The following PSAP variants were observed in gnomAD, a reference collection of about 807,000 sequenced individuals.
PSAP encodes the protein precursor of saposins.
PSAP carries 25 observed loss-of-function variants against 66.0 expected under a neutral mutation model. The observed-to-expected ratio is 0.38, with a 90% CI of 0.28 to 0.53. The LOEUF (loss-of-function observed/expected upper bound fraction) is 0.53, where lower values mean the gene tolerates loss of function less well. PSAP is among the 20% of genes least tolerant of loss of function. The pLI is 0.83. For synonymous variants in PSAP, 273 were observed against 258.9 expected, an observed-to-expected ratio of 1.05 and a Z score of -0.52; for missense variants, 649 against 668.8, an observed-to-expected ratio of 0.97 and a Z score of 0.33.
chr10:71,827,410 A>AAG (rs1473591661), intron 6 of PSAP, among the ~76,000 whole-genome samples: 1 of 147,968 alleles, frequency 6.8e-6, no homozygotes, highest in African/African-American at 2.5e-5. Flanking sequence ...AAAAAGAAAA[A>AAG]AAAAAAAGAA....
intron 1 of PSAP, among the ~76,000 whole-genome samples, chr10:71,847,486 G>C (rs1198011396): frequency 6.6e-6 from 1 of 151,872 alleles, no homozygotes; most frequent in Non-Finnish European, 1.5e-5. Flanking sequence ...AGGCGGAAGT[G>C]GCAGTGAGCC....
intron 1 of PSAP, among the ~76,000 whole-genome samples, chr10:71,839,341 G>A (rs1031290323): frequency 1.1e-4 from 17 of 152,228 alleles, no homozygotes; most frequent in Middle Eastern, 3.4e-3. Flanking sequence ...CCGGGTTCAA[G>A]CGATTCTCCT....
rs181403807 is a variant in PSAP at position 71,845,447 on chromosome 10, G to A, written c.40+5735C>T. Among the ~76,000 whole-genome samples the A allele has an allele frequency of 1.4e-4, 22 of 152,232 alleles. No individual in the cohort carries two copies. The East Asian group carries it at 3.5e-3, about 24-fold the overall frequency. On this transcript the variant is annotated intron_variant, in intron 1 of 13. Coordinates refer to ENST00000394936, the MANE Select transcript of PSAP (RefSeq NM_002778.4). ...TGTTTCACAATTTAAGGAGCAACAA[G>A]CAAAACAGTCAGTAGAATATACTAC...
At position 71,851,213 on chromosome 10, in the gene PSAP, G is replaced by T; in HGVS notation, c.9C>A (p.Ala3=). 1 of 1,551,136 alleles carries T rather than the reference G, an allele frequency of 6.4e-7. No homozygotes were observed. The highest frequency in any genetic ancestry group is 8.7e-7 in the Non-Finnish European group (1 of 1,146,866). Residue 3 remains alanine (A), a synonymous_variant, in exon 1 of 14, where the codon GCC becomes GCA. Coordinates refer to ENST00000394936, the MANE Select transcript of PSAP (RefSeq NM_002778.4). MY[A]LFLLASLLGA... is the part of the protein sequence containing the mutation. ...CCAGGAGGCTGGCCAGGAGGAAGAG[G>T]GCGTACATAGCGCCGTCTGACTCCG...
At chr10:71,835,444 C>G (rs1468130818) in intron 1 of PSAP, among the ~76,000 whole-genome samples, 1 of 151,786 alleles carries the variant, frequency 6.6e-6, no homozygotes, top group Non-Finnish European at 1.5e-5. Flanking sequence ...TGGTAGCACG[C>G]ACCTGTGATC....
chr10:71,823,884 A>G (rs1167537365), intron 7 of PSAP: 2 of 1,298,688 alleles, frequency 1.5e-6, no homozygotes, highest in East Asian at 5.4e-5. Context: ...TCCCCGACAC[A>G]TACCTGATCC....
chr10:71,823,780 A>G (rs2133037737), intron 7 of PSAP: 1 of 792,092 alleles, frequency 1.3e-6, no homozygotes, highest in South Asian at 1.5e-5. Context: ...TCTCGTAACC[A>G]TTCCTTGTAT....
Position 71,828,711 on chromosome 10 carries a change from T to C in PSAP, c.576+166A>G, listed in dbSNP as rs761268844. Among the ~76,000 whole-genome samples, 6 of 152,196 alleles carry C rather than the reference T, an allele frequency of 3.9e-5. No homozygotes were observed. The East Asian group carries it at 5.8e-4, about 15-fold the overall frequency. ...TGCATATTTTAAATATCCCATTCTT[T>C]AGAAACTTCATGGTACAACCATTTA... is the stretch of plus-strand genomic sequence containing the variant. On this transcript the variant is annotated intron_variant, in intron 5 of 13. Transcript: ENST00000394936.
intron 1 of PSAP, among the ~76,000 whole-genome samples, chr10:71,835,721 C>T (rs1438778824): frequency 2.7e-5 from 4 of 149,460 alleles, no homozygotes; most frequent in Non-Finnish European, 3.0e-5. Flanking sequence ...CATCGGACTA[C>T]ACATAGAGGA....
chr10:71,839,936 TAATC>T (rs1461789423), intron 1 of PSAP, among the ~76,000 whole-genome samples: 2 of 152,186 alleles, frequency 1.3e-5, no homozygotes, highest in Non-Finnish European at 2.9e-5. Context: ...TATACATACT[TAATC>T]AACGACCTCG....
chr10:71,833,119 C>T (rs1842553805), intron 2 of PSAP, among the ~76,000 whole-genome samples: 1 of 149,190 alleles, frequency 6.7e-6, no homozygotes, highest in South Asian at 2.1e-4. Context: ...AACCTGGAAA[C>T]AGGAAGTAGT....
chr10:71,831,363 G>A (rs1416647703), intron 3 of PSAP, 112 bp from the exon 4 acceptor site: 6 of 1,410,646 alleles, frequency 4.3e-6, no homozygotes, highest in Admixed American at 1.9e-5. Context: ...CTGGAAAACA[G>A]CCAGCCCTCA....
At chr10:71,822,200 G>C in intron 7 of PSAP, 193 bp from the exon 8 acceptor site, 1 of 693,846 alleles carries the variant, frequency 1.4e-6, no homozygotes, top group Admixed American at 2.2e-5. Flanking sequence ...GTGCATATGT[G>C]CCAGTTACAT....
chr10:71,833,603 CTCAG>C (rs1443555157), intron 2 of PSAP, among the ~76,000 whole-genome samples: 6 of 152,340 alleles, frequency 3.9e-5, no homozygotes, highest in Admixed American at 3.9e-4. Flanking sequence ...CCAAAGTCCA[CTCAG>C]TCAAACACAG....
chr10:71,847,743 ATTAT>A (rs768630328), intron 1 of PSAP, among the ~76,000 whole-genome samples: 88 of 152,176 alleles, frequency 5.8e-4, no homozygotes, highest in Non-Finnish European at 1.1e-3. Flanking sequence ...TTCTTCAGGA[ATTAT>A]ACTCTTATTT....
chr10:71,839,060 C>G (rs924107068), intron 1 of PSAP, among the ~76,000 whole-genome samples: 10 of 152,186 alleles, frequency 6.6e-5, no homozygotes, highest in African/African-American at 1.9e-4. Flanking sequence ...ACACCCTACC[C>G]CCAAATACCA....
rs534687752 is a variant in PSAP at position 71,844,238 on chromosome 10, C to G, written c.40+6944G>C. ...TACAATTGTTAGTTACTCCACAACT[C>G]AGCAATTCTGCTCTTAGACATATGC... On this transcript the variant is annotated intron_variant, in intron 1 of 13. Coordinates refer to ENST00000394936, the MANE Select transcript of PSAP (RefSeq NM_002778.4). 2.0e-5 allele frequency among the ~76,000 whole-genome samples: 3 copies of G among 152,362 alleles called. No individual in the cohort carries two copies. The East Asian group carries it at 5.8e-4, about 29-fold the overall frequency.
intron 1 of PSAP, among the ~76,000 whole-genome samples, chr10:71,842,234 T>C (rs903803875): frequency 1.3e-5 from 2 of 152,182 alleles, no homozygotes; most frequent in African/African-American, 4.8e-5. Context: ...GCATGTGACA[T>C]GACATTGCAA....
chr10:71,818,742 G>GA lies in PSAP; in HGVS notation c.1432-19dup. 1 of 1,593,110 alleles carries GA rather than the reference G, an allele frequency of 6.3e-7. No homozygotes were observed. The highest frequency in any genetic ancestry group is 1.1e-5 in the South Asian group (1 of 90,672). Reference sequence around the variant, plus strand: ...CCAATTTTCTATATGGTGAGAAAAGGAAAGAAGAAAGGGGGAGAATGAGAG... The same window carrying GA: ...CCAATTTTCTATATGGTGAGAAAAGGAAAAGAAGAAAGGGGGAGAATGAGAG... On this transcript the variant is annotated intron_variant, in intron 12 of 13. Coordinates refer to ENST00000394936, the MANE Select transcript of PSAP (RefSeq NM_002778.4).
Sources: gnomAD v4.1 joint callset for allele counts (sites outside exome capture counted in the v4.1 genomes callset) on GRCh38, gnomAD v4.1.1 for gene constraint, MANE v1.5 for transcripts, NCBI Gene and HGNC (gene_info 2026-07-23, HGNC 2026-07-21) for gene names.